Variants in IQANK1 observed in about 807,000 individuals in gnomAD.
IQANK1 encodes the protein IQ motif and ankyrin repeat containing 1, also known as IQ motif and ankyrin repeat domain-containing protein 1.
In IQANK1, 30 loss-of-function variants were observed where a neutral mutation model predicts 22.6. The observed-to-expected ratio is 1.33, with a 90% CI of 0.99 to 1.80. IQANK1 has a LOEUF of 1.80. Among genes scored for constraint, IQANK1 ranks in the 40% most tolerant of loss-of-function variants. The pLI is 0.00. For synonymous variants in IQANK1, 122 were observed against 99.6 expected, an observed-to-expected ratio of 1.23 and a Z score of -1.34; for missense variants, 275 against 235.2, an observed-to-expected ratio of 1.17 and a Z score of -1.11.
Position 143,789,817 on chromosome 8 carries a change from CGAG to C in IQANK1, c.1148_1150del (p.Glu383del). ...GGCTGCGGCAGGAGGCCCAGAAGGC[CGAG>C]GAGGCGCTGGCTATGGCCAGGCTGG... On this transcript the variant is annotated inframe_deletion, in exon 11 of 14. Coordinates refer to ENST00000527139, the MANE Select transcript of IQANK1 (RefSeq NM_001381874.1). The C allele has an allele frequency of 2.4e-6, 3 of 1,232,138 alleles. No homozygotes were observed. Among genetic ancestry groups the C allele is most frequent in the Non-Finnish European group, 3.0e-6 (3 of 988,140 alleles). 76.3% of individuals were successfully genotyped at this position (1,232,138 alleles called of 1,614,324 possible). A position where few individuals can be genotyped will look rare whatever the true frequency, so the allele number is the denominator to read the frequency against.
At chr8:143,752,996 G>GTTTTTTTTTT (rs34993930) in intron 3 of IQANK1, among the ~76,000 whole-genome samples, 8 of 69,940 alleles carry the variant, frequency 1.1e-4, no homozygotes, top group East Asian at 5.6e-4. Context: ...CTCTCTGTTC[G>GTTTTTTTTTT]TTTTTTTTTT....
At chr8:143,748,873 TAA>T (rs1554627627) in intron 3 of IQANK1, among the ~76,000 whole-genome samples, 9 of 97,672 alleles carry the variant, frequency 9.2e-5, no homozygotes, top group African/African-American at 6.9e-4. Flanking sequence ...TATAAATATA[TAA>T]ATATATATAT....
At chr8:143,752,888 C>A (rs1351846321) in intron 3 of IQANK1, among the ~76,000 whole-genome samples, 2 of 151,746 alleles carry the variant, frequency 1.3e-5, no homozygotes, top group African/African-American at 4.8e-5. Flanking sequence ...TTAAGTGATG[C>A]ATGACTGTAT....
chr8:143,736,008 A>G (rs144615661), intron 2 of IQANK1, 70 bp downstream of exon 2: 201 of 694,362 alleles, frequency 2.9e-4, no homozygotes, highest in African/African-American at 2.8e-3. Flanking sequence ...CTATGTAGCC[A>G]CCGAGAGACA....
intron 7 of IQANK1, among the ~76,000 whole-genome samples, chr8:143,780,445 C>T (rs952675919): frequency 2.8e-4 from 43 of 152,062 alleles, no homozygotes; most frequent in Admixed American, 7.9e-4. Flanking sequence ...AGCCCAGTAC[C>T]CAATAGTTTT....
intron 3 of IQANK1, among the ~76,000 whole-genome samples, chr8:143,751,383 C>G (rs150922448): frequency 6.6e-6 from 1 of 151,642 alleles, no homozygotes; most frequent in Non-Finnish European, 1.5e-5. Context: ...AGGCCAAGAT[C>G]GGTGGATTAC....
At chr8:143,748,984 TATATAAATATATATC>T (rs1454556961) in intron 3 of IQANK1, among the ~76,000 whole-genome samples, 25 of 111,964 alleles carry the variant, frequency 2.2e-4, no homozygotes, top group Non-Finnish European at 3.4e-4. Context: ...AAATATATCA[TATATAAATATATATC>T]ATAAATATAT....
intron 3 of IQANK1, among the ~76,000 whole-genome samples, chr8:143,756,856 T>C (rs373642162): frequency 1.1e-3 from 165 of 151,922 alleles, no homozygotes; most frequent in African/African-American, 3.8e-3. Flanking sequence ...TGCACACTTT[T>C]AGTCCTAGCC....
At chr8:143,748,566 CAT>C (rs1464905442) in intron 3 of IQANK1, among the ~76,000 whole-genome samples, 4 of 113,980 alleles carry the variant, frequency 3.5e-5, no homozygotes, top group Admixed American at 1.0e-4. Flanking sequence ...ATATATATAT[CAT>C]ATATAATATA....
rs1172396943 is a variant in IQANK1, at chr8:143,772,051, G to A, written c.472-1G>A. ...AGCGGTGACCGCGGCGAGCTGCGCA[G>A]GTGGAGCAGCTGCTGACGCGCGAGG... On this transcript the variant is annotated splice_acceptor_variant, in intron 5 of 13. Transcript: ENST00000527139. LOFTEE classifies it high-confidence loss of function. The A allele has an allele frequency of 2.5e-6, 1 of 396,478 alleles. No homozygotes were observed. The highest frequency in any genetic ancestry group is 3.6e-5 in the East Asian group (1 of 27,948). The allele number at this position is 396,478 out of a possible 1,614,324, so 24.6% of individuals were successfully genotyped here. A position where few individuals can be genotyped will look rare whatever the true frequency, so the allele number is the denominator to read the frequency against.
rs4074642 is a variant in IQANK1 at position 143,742,865 on chromosome 8, T to C, written c.175+2917T>C. 2.9e-5 allele frequency: 13 copies of C among 456,008 alleles called. No homozygotes were observed. The East Asian group carries it at 7.7e-4, about 27-fold the overall frequency. The allele number at this position is 456,008 out of a possible 1,614,324, so 28.2% of individuals were successfully genotyped here. On this transcript the variant is annotated intron_variant, in intron 3 of 13. Coordinates refer to ENST00000527139, the MANE Select transcript of IQANK1 (RefSeq NM_001381874.1). ...ATGGCCTGTGCTGCTGTCACGGTGC[T>C]AAGGGGCCTGGCAAGCACGGGGTCT...
Position 143,758,868 on chromosome 8 carries a change from G to C in IQANK1, c.176-12620G>C, listed in dbSNP as rs1819339714. On this transcript the variant is annotated intron_variant, in intron 3 of 13. Transcript: ENST00000527139. This position sits in a 1 kb window ranked among gnomAD's most constrained non-coding sequence, Gnocchi z 4.2. Reference sequence around the variant, plus strand: ...AACACGAGAGGTGGTCAAAGCCAAGGTTTCCCTGCGCTGCCTTTGTCTTCT... The same window carrying C: ...AACACGAGAGGTGGTCAAAGCCAAGCTTTCCCTGCGCTGCCTTTGTCTTCT... The C allele has an allele frequency of 6.4e-6, 1 of 155,960 alleles. No homozygotes were observed. 9.7% of individuals were successfully genotyped at this position (155,960 alleles called of 1,614,324 possible).
intron 3 of IQANK1, among the ~76,000 whole-genome samples, chr8:143,752,996 G>GTTTTTTTTTTTTTTT (rs34993930): frequency 2.9e-5 from 2 of 69,904 alleles, no homozygotes; most frequent in East Asian, 5.6e-4. Flanking sequence ...CTCTCTGTTC[G>GTTTTTTTTTTTTTTT]TTTTTTTTTT....
rs1322751646 is a variant in IQANK1 at position 143,771,548 on chromosome 8, G to A, written c.236G>A (p.Arg79Lys). 1 of 398,182 alleles carries A rather than the reference G, an allele frequency of 2.5e-6. No homozygotes were observed. The highest frequency in any genetic ancestry group is 2.1e-5 in the African/African-American group (1 of 48,610). 24.7% of individuals were successfully genotyped at this position (398,182 alleles called of 1,614,324 possible). ...GGCGCCTTCCGGCAGCTCCGGGCCA[G>A]GAGGGAGCTCGCCCGCCGCCGGGAG... ...IQGAFRQLRA[R>K]RELARRREER... The change falls in exon 4 of 14, where the codon AGG (arginine) becomes AAG (lysine). Residue 79 changes from arginine (R) to lysine (K), a missense_variant. Physicochemically the swap from Arg to Lys is conservative, Grantham distance 26. Coordinates refer to ENST00000527139, the MANE Select transcript of IQANK1 (RefSeq NM_001381874.1). The surrounding 1 kb of genome is among the most constrained non-coding windows in gnomAD (Gnocchi z 6.0).
At chr8:143,742,513 C>G (rs782425851) in intron 3 of IQANK1, 1 of 455,926 alleles carries the variant, frequency 2.2e-6, no homozygotes, top group African/African-American at 2.0e-5. Flanking sequence ...GGCTGGGCCC[C>G]ACAAACACCA....
At chr8:143,747,809 A>G (rs1303752737) in intron 3 of IQANK1, among the ~76,000 whole-genome samples, 1 of 152,092 alleles carries the variant, frequency 6.6e-6, no homozygotes, top group African/African-American at 2.4e-5. Flanking sequence ...CATATGGTCT[A>G]CCCTTGAAAA....
At position 143,735,730 on chromosome 8, in the gene IQANK1, C is replaced by T. The variant is rs1322112220; in HGVS notation, c.-4-120C>T. On this transcript the variant is annotated intron_variant, in intron 1 of 13. Coordinates refer to ENST00000527139, the MANE Select transcript of IQANK1 (RefSeq NM_001381874.1). This position sits in a 1 kb window ranked among gnomAD's most constrained non-coding sequence, Gnocchi z 5.2. ...ACCAGCTGGGAAGCCTCAGGGGAGC[C>T]CATGTTCCTGCTGTCATCCACTCAG... 7.8e-6 allele frequency: 5 copies of T among 640,026 alleles called. No homozygotes were observed. In the Admixed American group the frequency reaches 1.1e-4, roughly 14 times the overall value. The allele number at this position is 640,026 out of a possible 1,614,324, so 39.6% of individuals were successfully genotyped here. A position where few individuals can be genotyped will look rare whatever the true frequency, so the allele number is the denominator to read the frequency against.
chr8:143,750,820 A>C (rs1554627932), intron 3 of IQANK1, among the ~76,000 whole-genome samples: 4 of 152,200 alleles, frequency 2.6e-5, no homozygotes. Context: ...CCTCTAAAAA[A>C]CAAAAAATAA....
intron 7 of IQANK1, among the ~76,000 whole-genome samples, chr8:143,776,844 AG>A (rs1249431929): frequency 2.6e-4 from 40 of 152,322 alleles, no homozygotes; most frequent in Admixed American, 7.2e-4. Flanking sequence ...AGAAGCGTGA[AG>A]GAAGCAGTGC....
Sources: allele counts gnomAD v4.1 joint callset (sites outside exome capture counted in the v4.1 genomes callset), GRCh38; gene constraint gnomAD v4.1.1; non-coding constraint Gnocchi (gnomAD v3.1); transcripts MANE v1.5; gene names NCBI Gene and HGNC (gene_info 2026-07-23, HGNC 2026-07-21).